The following STK10 variants were observed in gnomAD, a reference collection of about 807,000 sequenced individuals.
The protein encoded by STK10 is serine/threonine kinase 10.
In STK10, 78 loss-of-function variants were observed where a neutral mutation model predicts 113.8. The observed-to-expected ratio is 0.69, with a 90% CI of 0.57 to 0.83. The LOEUF (loss-of-function observed/expected upper bound fraction) is 0.83, where lower values mean the gene tolerates loss of function less well. Among genes scored for constraint, STK10 ranks in the 40% least tolerant of loss-of-function variants. The pLI, the probability that STK10 is intolerant of heterozygous loss-of-function variation, is 0.00. For missense variants in STK10, 1,109 were observed against 1,280.1 expected, an observed-to-expected ratio of 0.87 and a Z score of 2.04; for synonymous variants, 465 against 494.7, an observed-to-expected ratio of 0.94 and a Z score of 0.80.
intron 2 of STK10, among the ~76,000 whole-genome samples, chr5:172,142,731 TA>T (rs2113802770): frequency 6.6e-6 from 1 of 152,336 alleles, no homozygotes; most frequent in East Asian, 1.9e-4. Context: ...TATCGAGTAT[TA>T]CCAGCACTAG....
In STK10 at chr5:172,126,673, A is replaced by G. The variant is rs577248873; in HGVS notation, c.370+700T>C. ...CTCTGGCATATAGTGACTATTCACA[A>G]AGGAATGGCCACTACTAACATTTCA... On this transcript the variant is annotated intron_variant, in intron 3 of 18. Coordinates refer to ENST00000176763, the MANE Select transcript of STK10 (RefSeq NM_005990.4). Among the ~76,000 whole-genome samples the G allele has an allele frequency of 7.2e-5, 11 of 152,350 alleles. No individual in the cohort carries two copies. In the South Asian group the frequency reaches 2.3e-3, roughly 32 times the overall value.
At chr5:172,048,010 C>T (rs759111133) in intron 18 of STK10, among the ~76,000 whole-genome samples, 3 of 145,656 alleles carry the variant, frequency 2.1e-5, no homozygotes, top group Middle Eastern at 3.5e-3. Flanking sequence ...TCAAGCCATT[C>T]TCCTGCCTCA....
intron 2 of STK10, among the ~76,000 whole-genome samples, chr5:172,132,592 G>A (rs1024555724): frequency 1.1e-4 from 16 of 152,084 alleles, no homozygotes; most frequent in African/African-American, 2.7e-4. Context: ...CTAAAAGGAC[G>A]GATTCCCTGA....
intron 7 of STK10, among the ~76,000 whole-genome samples, chr5:172,103,396 T>C (rs1769035003): frequency 6.6e-6 from 1 of 152,186 alleles, no homozygotes; most frequent in Middle Eastern, 3.2e-3. Context: ...TGGCAGGACA[T>C]TTTTTCCAAG....
In STK10 at chr5:172,107,769, A is replaced by G. The variant is rs773122651; in HGVS notation, c.593+11T>C. ...CCAGTCCATTCCATTTCCAGAAGCT[A>G]CACGACTCACCAGTAAGGCGTGCCG... is the stretch of plus-strand genomic sequence containing the variant. On this transcript the variant is annotated intron_variant, in intron 5 of 18. Transcript: ENST00000176763. 4 of 1,613,716 alleles carry G rather than the reference A, an allele frequency of 2.5e-6. No homozygotes were observed. The South Asian group carries it at 4.4e-5, about 18-fold the overall frequency.
chr5:172,134,745 C>A (rs376472225), intron 2 of STK10, among the ~76,000 whole-genome samples: 139 of 132,238 alleles, frequency 1.1e-3, no homozygotes, highest in African/African-American at 1.8e-3. Flanking sequence ...CTCATATTTA[C>A]AAAAAAAAAA....
At chr5:172,071,341 CAAAAAAAAA>C (rs58271522) in intron 12 of STK10, among the ~76,000 whole-genome samples, 1 of 53,870 alleles carries the variant, frequency 1.9e-5, no homozygotes, top group Admixed American at 2.4e-4. Flanking sequence ...GGATAGGTAG[CAAAAAAAAA>C]AAAAAAAAAA....
chr5:172,071,668 G>A (rs1287032747), intron 12 of STK10, among the ~76,000 whole-genome samples: 1 of 151,826 alleles, frequency 6.6e-6, no homozygotes, highest in Non-Finnish European at 1.5e-5. Context: ...TCCTGGCAAC[G>A]CCTCTTCCCA....
intron 4 of STK10, chr5:172,114,467 ATATATATTTTTTT>A (rs1769325302): frequency 2.9e-5 from 1 of 34,798 alleles, no homozygotes; most frequent in African/African-American, 1.4e-4. Flanking sequence ...ATATATATAT[ATATATATTTTTTT>A]TTTTTTTTTT....
chr5:172,101,918 AGAGT>A (rs1254223662), intron 7 of STK10, among the ~76,000 whole-genome samples: 1 of 141,026 alleles, frequency 7.1e-6, no homozygotes, highest in East Asian at 2.3e-4. Context: ...AGGCTGGAGA[AGAGT>A]GAGGCTGGAG....
In STK10 at chr5:172,156,838, T is replaced by C. The variant is rs753041068; in HGVS notation, c.157-50A>G. 204 of 1,578,080 alleles carry C rather than the reference T, an allele frequency of 1.3e-4. 1 individual carries two copies. The highest frequency in any genetic ancestry group is 7.8e-6 in the Non-Finnish European group (9 of 1,157,940). ...CAACAAGGCATGCTCCGCAGGAAAC[T>C]GACCTTTGGACGTGAGCCCGCAGTC... On this transcript the variant is annotated intron_variant, in intron 1 of 18. Transcript: ENST00000176763.
chr5:172,049,740 T>A (rs2113683588), intron 18 of STK10, among the ~76,000 whole-genome samples: 1 of 152,316 alleles, frequency 6.6e-6, no homozygotes, highest in Non-Finnish European at 1.5e-5. Flanking sequence ...TCTGGAGGAT[T>A]AAGACAATGG....
intron 2 of STK10, among the ~76,000 whole-genome samples, chr5:172,147,484 C>T (rs193042935): frequency 3.7e-4 from 57 of 152,116 alleles, no homozygotes; most frequent in South Asian, 1.7e-3. Flanking sequence ...CTCTGCCTCC[C>T]GGGTTCACGC....
intron 12 of STK10, among the ~76,000 whole-genome samples, chr5:172,065,876 T>C (rs542537612): frequency 2.6e-5 from 4 of 152,254 alleles, no homozygotes; most frequent in South Asian, 2.1e-4. Flanking sequence ...GAAGAATCCC[T>C]GGCAACACTC....
chr5:172,164,904 G>C (rs543849457), intron 1 of STK10, among the ~76,000 whole-genome samples: 1 of 152,322 alleles, frequency 6.6e-6, no homozygotes, highest in South Asian at 2.1e-4. Context: ...TTCCACTGCT[G>C]GCTGGCAGTG....
intron 2 of STK10, among the ~76,000 whole-genome samples, chr5:172,139,986 A>G (rs1395614900): frequency 6.6e-6 from 1 of 152,196 alleles, no homozygotes; most frequent in Non-Finnish European, 1.5e-5. Context: ...CAATCAGTAG[A>G]ATGAAAAGGC....
At chr5:172,161,622 T>C (rs1489111369) in intron 1 of STK10, among the ~76,000 whole-genome samples, 3 of 152,228 alleles carry the variant, frequency 2.0e-5, no homozygotes, top group East Asian at 3.8e-4. Context: ...TGTCATATTA[T>C]GTCATTGATA....
chr5:172,141,896 G>A (rs992505081), intron 2 of STK10, among the ~76,000 whole-genome samples: 1 of 152,284 alleles, frequency 6.6e-6, no homozygotes, highest in East Asian at 1.9e-4. Flanking sequence ...TCGTGGTGCC[G>A]TGTAAGGGTT....
intron 4 of STK10, among the ~76,000 whole-genome samples, chr5:172,114,194 G>A (rs112835564): frequency 4.5e-4 from 69 of 151,852 alleles, no homozygotes; most frequent in African/African-American, 1.5e-3. Context: ...GAAGCCCACG[G>A]AGAGTGGTGG....
Sources: gnomAD v4.1 joint callset for allele counts (sites outside exome capture counted in the v4.1 genomes callset) on GRCh38, gnomAD v4.1.1 for gene constraint, MANE v1.5 for transcripts, NCBI Gene and HGNC (gene_info 2026-07-23, HGNC 2026-07-21) for gene names.